FLRT2: variants seen among roughly 807,000 people sequenced by gnomAD.
FLRT2 encodes the protein leucine-rich repeat transmembrane protein FLRT2.
In FLRT2, 15 loss-of-function variants were observed where a neutral mutation model predicts 40.0. The ratio of observed to expected loss-of-function variants is 0.38; its 90% confidence interval spans 0.25 to 0.58. The LOEUF is 0.58. FLRT2 is among the 20% of genes least tolerant of loss of function. The pLI, the probability that FLRT2 is intolerant of heterozygous loss-of-function variation, is 0.71. For synonymous variants in FLRT2, 380 were observed against 336.8 expected (o/e 1.13, Z -1.41); for missense variants, 726 against 840.0 (o/e 0.86, Z 1.68).
intron 1 of FLRT2, among the ~76,000 whole-genome samples, chr14:85,533,379 AC>A (rs1490315930): frequency 6.6e-6 from 1 of 151,968 alleles, no homozygotes; most frequent in African/African-American, 2.4e-5. Flanking sequence ...CTCCAGACCC[AC>A]GCCGGGCGGG....
intron 1 of FLRT2, among the ~76,000 whole-genome samples, chr14:85,615,733 C>T (rs1297951028): frequency 4.3e-5 from 2 of 46,796 alleles, no homozygotes; most frequent in African/African-American, 2.9e-4. Context: ...GAGAATTCCT[C>T]TTCAGTATAG....
intron 1 of FLRT2, among the ~76,000 whole-genome samples, chr14:85,558,699 G>A (rs948908522): frequency 6.6e-6 from 1 of 152,084 alleles, no homozygotes; most frequent in Admixed American, 6.5e-5. Flanking sequence ...TCAGATGAAG[G>A]GCAGCCATCA....
At chr14:85,619,329 C>T (rs1893281098) in intron 1 of FLRT2, among the ~76,000 whole-genome samples, 1 of 152,004 alleles carries the variant, frequency 6.6e-6, no homozygotes, top group Non-Finnish European at 1.5e-5. Flanking sequence ...AAGCTATATG[C>T]CTGCCTCAGC....
At chr14:85,550,596 A>G (rs1889563561) in intron 1 of FLRT2, among the ~76,000 whole-genome samples, 1 of 152,230 alleles carries the variant, frequency 6.6e-6, no homozygotes, top group Non-Finnish European at 1.5e-5. Flanking sequence ...CCCTAAAGTC[A>G]TGCAAAATTA....
intron 1 of FLRT2, among the ~76,000 whole-genome samples, chr14:85,586,130 A>G (rs1467550019): frequency 6.7e-6 from 1 of 148,426 alleles, no homozygotes; most frequent in Non-Finnish European, 1.5e-5. Context: ...TTTATATAAT[A>G]TATATAATAC....
In FLRT2 at chr14:85,605,267, T is replaced by A. The variant is rs542654807; in HGVS notation, c.-376-15872T>A. On this transcript the variant is annotated intron_variant, in intron 1 of 1. Transcript: ENST00000330753. Reference sequence around the variant, plus strand: ...GAAATATAATTGGAGATTGGGAACATCATTAAGCCAGTACTGGCAGCTCTC... The same window carrying A: ...GAAATATAATTGGAGATTGGGAACAACATTAAGCCAGTACTGGCAGCTCTC... Among the ~76,000 whole-genome samples, 12 of 152,258 alleles carry A rather than the reference T, an allele frequency of 7.9e-5. No individual in the cohort carries two copies. The South Asian group carries it at 1.7e-3, about 21-fold the overall frequency.
intron 1 of FLRT2, among the ~76,000 whole-genome samples, chr14:85,583,055 C>A (rs1891461819): frequency 6.6e-6 from 1 of 151,952 alleles, no homozygotes; most frequent in Non-Finnish European, 1.5e-5. Context: ...GGGAAAATTC[C>A]CATGTGAGAA....
intron 1 of FLRT2, among the ~76,000 whole-genome samples, chr14:85,597,474 T>A (rs1420206984): frequency 6.6e-6 from 1 of 152,226 alleles, no homozygotes; most frequent in Non-Finnish European, 1.5e-5. Context: ...AATGGCAAAG[T>A]CTGTGAGCTT....
intron 1 of FLRT2, among the ~76,000 whole-genome samples, chr14:85,614,405 A>G (rs1893030868): frequency 6.6e-6 from 1 of 152,196 alleles, no homozygotes; most frequent in Admixed American, 6.5e-5. Flanking sequence ...CAGAGAGGTT[A>G]AGTCAGGTGC....
chr14:85,613,462 C>T (rs17645979), intron 1 of FLRT2, among the ~76,000 whole-genome samples: 3,259 of 152,276 alleles, frequency 0.021, 62 homozygotes, highest in South Asian at 0.08. Flanking sequence ...ATTCATCCAT[C>T]GCTCTATCTA....
At chr14:85,554,834 C>T (rs989946335) in intron 1 of FLRT2, among the ~76,000 whole-genome samples, 2 of 152,114 alleles carry the variant, frequency 1.3e-5, no homozygotes, top group African/African-American at 4.8e-5. Flanking sequence ...TTACAGGATG[C>T]CCATTAAGAG....
rs184894920 is a variant in FLRT2 at position 85,582,552 on chromosome 14, C to T, written c.-376-38587C>T. On this transcript the variant is annotated intron_variant, in intron 1 of 1. Coordinates refer to ENST00000330753, the MANE Select transcript of FLRT2 (RefSeq NM_013231.6). ...TATTTATCCTCTCTGGGATCAGTTT[C>T]TTCATCTGTGTAATGGGAGTAACTG... Among the ~76,000 whole-genome samples the T allele has an allele frequency of 7.1e-4, 108 of 152,186 alleles. 2 individuals carry two copies. The South Asian group carries it at 0.015, about 22-fold the overall frequency.
chr14:85,555,864 A>T (rs563488909), intron 1 of FLRT2, among the ~76,000 whole-genome samples: 56 of 152,080 alleles, frequency 3.7e-4, no homozygotes, highest in African/African-American at 1.2e-3. Context: ...CCTCTCTCTG[A>T]GATCTTAAAA....
chr14:85,536,041 C>G (rs541515131), intron 1 of FLRT2, among the ~76,000 whole-genome samples: 58 of 151,424 alleles, frequency 3.8e-4, no homozygotes, highest in Non-Finnish European at 6.5e-4. Context: ...CCAAATGACA[C>G]CATGCTGGGC....
At chr14:85,607,384 G>A (rs528418927) in intron 1 of FLRT2, among the ~76,000 whole-genome samples, 4 of 152,276 alleles carry the variant, frequency 2.6e-5, no homozygotes, top group East Asian at 1.9e-4. Context: ...AGAGTTAGGC[G>A]ATATGACTTT....
At chr14:85,535,348 C>T (rs912565049) in intron 1 of FLRT2, among the ~76,000 whole-genome samples, 8 of 68,750 alleles carry the variant, frequency 1.2e-4, no homozygotes, top group Non-Finnish European at 3.2e-4. Context: ...ATGAAAAGCC[C>T]CCCCCCAAAA....
In FLRT2 at chr14:85,639,634, T is replaced by TAAAAATAAA; in HGVS notation, c.*16138_*16139insAAAATAAAA. ...GTTTGGCTAAAATTAGAGTGTGTGTTAGTAGAATTTATATTTATAGACTAT... is the reference window on the plus strand; with the variant it reads ...GTTTGGCTAAAATTAGAGTGTGTGTTAAAAATAAAAGTAGAATTTATATTTATAGACTAT... On this transcript the variant is annotated 3_prime_UTR_variant, in exon 2 of 2. Transcript: ENST00000330753. 1 of 152,062 alleles carries TAAAAATAAA rather than the reference T, an allele frequency of 6.6e-6. No individual in the cohort carries two copies. Among genetic ancestry groups the TAAAAATAAA allele is most frequent in the African/African-American group, 2.4e-5 (1 of 41,416 alleles). 9.4% of individuals were successfully genotyped at this position (152,062 alleles called of 1,614,324 possible).
chr14:85,548,541 AAATT>A (rs1455792582), intron 1 of FLRT2, among the ~76,000 whole-genome samples: 2 of 152,362 alleles, frequency 1.3e-5, no homozygotes, highest in Admixed American at 6.5e-5. Context: ...CTTGATAGCC[AAATT>A]AATTGTGCTA....
chr14:85,594,127 C>A (rs1020981847), intron 1 of FLRT2, among the ~76,000 whole-genome samples: 1 of 152,114 alleles, frequency 6.6e-6, no homozygotes, highest in African/African-American at 2.4e-5. Context: ...CATCATATGT[C>A]TACTTATTTA....
Sources: gnomAD v4.1 joint callset for allele counts (sites outside exome capture counted in the v4.1 genomes callset) on GRCh38, gnomAD v4.1.1 for gene constraint, MANE v1.5 for transcripts, NCBI Gene and HGNC (gene_info 2026-07-23, HGNC 2026-07-21) for gene names.